The following KIRREL3 variants were observed in gnomAD, a reference collection of about 807,000 sequenced individuals.
The protein encoded by KIRREL3 is kirre like nephrin family adhesion molecule 3.
KIRREL3 carries 36 observed loss-of-function variants against 89.7 expected under a neutral mutation model. That is an observed-to-expected ratio of 0.40 (90% CI 0.31 to 0.53). KIRREL3 has a LOEUF of 0.53. Among genes scored for constraint, KIRREL3 ranks in the 20% least tolerant of loss-of-function variants. The pLI is 0.49. For missense variants in KIRREL3, 864 were observed against 1,056.6 expected (o/e 0.82, Z 2.53); for synonymous variants, 445 against 441.4 (o/e 1.01, Z -0.10).
In KIRREL3 at chr11:126,991,824, C is replaced by T. The variant is rs1017214115; in HGVS notation, c.55+8631G>A. Among the ~76,000 whole-genome samples, 3 of 152,202 alleles carry T rather than the reference C, an allele frequency of 2.0e-5. No homozygotes were observed. The highest frequency in any genetic ancestry group is 7.2e-5 in the African/African-American group (3 of 41,452). On this transcript the variant is annotated intron_variant, in intron 1 of 16. Transcript: ENST00000525144. This position sits in a 1 kb window ranked among gnomAD's most constrained non-coding sequence, Gnocchi z 5.8. ...TTATGACACCACAGCTTAGGATACT[C>T]TCCTGCATTTTTTAGTGTTGATGTG...
intron 2 of KIRREL3, among the ~76,000 whole-genome samples, chr11:126,560,258 T>C (rs1476802432): frequency 6.6e-6 from 1 of 152,028 alleles, no homozygotes; most frequent in Non-Finnish European, 1.5e-5. Context: ...TTGTGTTGGG[T>C]CCACACAGTA....
intron 1 of KIRREL3, among the ~76,000 whole-genome samples, chr11:126,964,468 G>C (rs968912139): frequency 4.6e-5 from 7 of 152,138 alleles, no homozygotes; most frequent in African/African-American, 1.7e-4. Flanking sequence ...TTTATTCCAT[G>C]TTGGGTAGGT....
At position 126,587,026 on chromosome 11, in the gene KIRREL3, A is replaced by G. The variant is rs1271425082; in HGVS notation, c.56-24114T>C. ...ATGGGGGCACAACTGTAAACCAGAG[A>G]GAGTCCCTGCCTCAGGGAGCTGGGA... On this transcript the variant is annotated intron_variant, in intron 1 of 16. Transcript: ENST00000525144. This position sits in a 1 kb window ranked among gnomAD's most constrained non-coding sequence, Gnocchi z 5.2. 6.6e-6 allele frequency among the ~76,000 whole-genome samples: 1 copy of G among 152,170 alleles called. No individual in the cohort carries two copies. The highest frequency in any genetic ancestry group is 1.5e-5 in the Non-Finnish European group (1 of 68,036).
chr11:126,560,313 C>T (rs927620207), intron 2 of KIRREL3, among the ~76,000 whole-genome samples: 2 of 152,140 alleles, frequency 1.3e-5, no homozygotes, highest in Non-Finnish European at 1.5e-5. Context: ...CATATATTAC[C>T]AACCACCTCC....
In KIRREL3 at chr11:126,489,845, T is replaced by G. The variant is rs1957461182; in HGVS notation, c.434-16379A>C. Among the ~76,000 whole-genome samples the G allele has an allele frequency of 6.6e-6, 1 of 152,190 alleles. No individual in the cohort carries two copies. Reference sequence around the variant, plus strand: ...AAAGTGTGTTGTTCATGGCGGATCCTCTATCAAAAAACAGGATGGTGTCGA... The same window carrying G: ...AAAGTGTGTTGTTCATGGCGGATCCGCTATCAAAAAACAGGATGGTGTCGA... On this transcript the variant is annotated intron_variant, in intron 4 of 16. Coordinates refer to ENST00000525144, the MANE Select transcript of KIRREL3 (RefSeq NM_032531.4). This position sits in a 1 kb window ranked among gnomAD's most constrained non-coding sequence, Gnocchi z 5.5.
intron 1 of KIRREL3, among the ~76,000 whole-genome samples, chr11:126,688,822 T>A (rs1946763644): frequency 6.6e-6 from 1 of 152,144 alleles, no homozygotes; most frequent in South Asian, 2.1e-4. Context: ...GACTGAGAGA[T>A]GACATGATAG....
At position 126,740,804 on chromosome 11, in the gene KIRREL3, A is replaced by G. The variant is rs1422478054; in HGVS notation, c.56-177892T>C. Among the ~76,000 whole-genome samples the G allele has an allele frequency of 2.0e-4, 30 of 152,154 alleles. No homozygotes were observed. The highest frequency in any genetic ancestry group is 1.8e-3 in the Admixed American group (28 of 15,284). ...TATCCTTTCCTTGTTGGGAGCAGAG[A>G]GGGTAATCCTTGTTAGATTTACATT... is the stretch of plus-strand genomic sequence containing the variant. On this transcript the variant is annotated intron_variant, in intron 1 of 16. Coordinates refer to ENST00000525144, the MANE Select transcript of KIRREL3 (RefSeq NM_032531.4). This position sits in a 1 kb window ranked among gnomAD's most constrained non-coding sequence, Gnocchi z 6.0.
intron 6 of KIRREL3, among the ~76,000 whole-genome samples, chr11:126,461,031 C>T (rs913422746): frequency 4.6e-5 from 7 of 152,204 alleles, no homozygotes; most frequent in African/African-American, 1.7e-4. Context: ...GCCCTCTCCC[C>T]TTCCTGATTT....
At position 126,508,585 on chromosome 11, in the gene KIRREL3, A is replaced by G. The variant is rs1296186772; in HGVS notation, c.433+12730T>C. 2.0e-5 allele frequency among the ~76,000 whole-genome samples: 3 copies of G among 152,180 alleles called. No individual in the cohort carries two copies. Among genetic ancestry groups the G allele is most frequent in the Non-Finnish European group, 2.9e-5 (2 of 68,024 alleles). On this transcript the variant is annotated intron_variant, in intron 4 of 16. Transcript: ENST00000525144. The surrounding 1 kb of genome is among the most constrained non-coding windows in gnomAD (Gnocchi z 4.9). ...CCTGGAGTTCCCAGGGGCTAGGAAGAAACCTGTTTCATAGTGATGATTTTA... is the reference window on the plus strand; with the variant it reads ...CCTGGAGTTCCCAGGGGCTAGGAAGGAACCTGTTTCATAGTGATGATTTTA...
chr11:126,712,683 T>C (rs3862635), intron 1 of KIRREL3, among the ~76,000 whole-genome samples: 18,220 of 151,888 alleles, frequency 0.12, 1,592 homozygotes, highest in African/African-American at 0.25. Flanking sequence ...GTGGGTAGGG[T>C]CTTTAAGTTT....
At chr11:126,915,707 ATC>A (rs1238768714) in intron 1 of KIRREL3, among the ~76,000 whole-genome samples, 1 of 152,172 alleles carries the variant, frequency 6.6e-6, no homozygotes. Context: ...TATTTTCAAA[ATC>A]TCTTTGTAAG....
Position 126,431,402 on chromosome 11 carries a change from G to T in KIRREL3, c.1696+17C>A, listed in dbSNP as rs775233737. ...TCTCTGTCCCCCTCCCTGAGATCCC[G>T]GATCTCCCTCCCGTACTTCTCTGGG... On this transcript the variant is annotated intron_variant, in intron 14 of 16. Transcript: ENST00000525144. This position sits in a 1 kb window ranked among gnomAD's most constrained non-coding sequence, Gnocchi z 7.1. 1.9e-6 allele frequency: 3 copies of T among 1,613,582 alleles called. No homozygotes were observed. The highest frequency in any genetic ancestry group is 1.3e-5 in the African/African-American group (1 of 74,882).
intron 1 of KIRREL3, among the ~76,000 whole-genome samples, chr11:126,751,346 C>T (rs1565701834): frequency 1.3e-5 from 2 of 152,240 alleles, no homozygotes; most frequent in African/African-American, 2.4e-5. Context: ...TTGCTTTGAG[C>T]GAACCACTTT....
chr11:126,833,316 A>T (rs1943671145), intron 1 of KIRREL3, among the ~76,000 whole-genome samples: 1 of 152,218 alleles, frequency 6.6e-6, no homozygotes. Flanking sequence ...GGCACACACA[A>T]GTGCAAGTTA....
chr11:126,749,676 G>T (rs1949273241), intron 1 of KIRREL3, among the ~76,000 whole-genome samples: 1 of 151,878 alleles, frequency 6.6e-6, no homozygotes, highest in African/African-American at 2.4e-5. Context: ...CATCTTCCGA[G>T]AAGAAAATAC....
chr11:126,678,997 G>C (rs1420301464), intron 1 of KIRREL3, among the ~76,000 whole-genome samples: 1 of 152,216 alleles, frequency 6.6e-6, no homozygotes, highest in African/African-American at 2.4e-5. Context: ...GCCAAGTTCT[G>C]ACCAATGAGA....
chr11:126,640,052 T>C lies in KIRREL3; in HGVS notation c.56-77140A>G, dbSNP rs570023209. On this transcript the variant is annotated intron_variant, in intron 1 of 16. Transcript: ENST00000525144. This position sits in a 1 kb window ranked among gnomAD's most constrained non-coding sequence, Gnocchi z 4.9. ...ACGATCAGTACTGTGACAATGAATATGAAATGAACGTGCCCAGAGAAGACA... is the reference window on the plus strand; with the variant it reads ...ACGATCAGTACTGTGACAATGAATACGAAATGAACGTGCCCAGAGAAGACA... Among the ~76,000 whole-genome samples, 3 of 152,302 alleles carry C rather than the reference T, an allele frequency of 2.0e-5. No homozygotes were observed. The highest frequency in any genetic ancestry group is 3.9e-4 in the East Asian group (2 of 5,188).
intron 1 of KIRREL3, among the ~76,000 whole-genome samples, chr11:126,604,287 C>A (rs1247487350): frequency 2.0e-5 from 3 of 152,186 alleles, no homozygotes; most frequent in East Asian, 1.9e-4. Context: ...GGCAGGAAGA[C>A]CACCCTGAAG....
In KIRREL3 at chr11:126,755,211, G is replaced by A. The variant is rs1224745029; in HGVS notation, c.56-192299C>T. Among the ~76,000 whole-genome samples the A allele has an allele frequency of 6.6e-6, 1 of 152,120 alleles. No homozygotes were observed. The highest frequency in any genetic ancestry group is 1.9e-4 in the East Asian group (1 of 5,196). On this transcript the variant is annotated intron_variant, in intron 1 of 16. Coordinates refer to ENST00000525144, the MANE Select transcript of KIRREL3 (RefSeq NM_032531.4). The surrounding 1 kb of genome is among the most constrained non-coding windows in gnomAD (Gnocchi z 4.3). ...AAGGTAGGGCATTAAGTAACCAGAG[G>A]GAAAAAAATGTATTCCCATCCGAGG...
Sources: allele counts gnomAD v4.1 joint callset (sites outside exome capture counted in the v4.1 genomes callset), GRCh38; gene constraint gnomAD v4.1.1; non-coding constraint Gnocchi (gnomAD v3.1); transcripts MANE v1.5; gene names NCBI Gene and HGNC (gene_info 2026-07-23, HGNC 2026-07-21).